FCHO2: variants seen among roughly 807,000 people sequenced by gnomAD.
FCHO2 encodes the protein FCH and mu domain containing endocytic adaptor 2, also known as F-BAR domain only protein 2.
A neutral mutation model predicts 114.1 loss-of-function variants in FCHO2; 43 were observed. The observed-to-expected ratio is 0.38, with a 90% confidence interval of 0.30 to 0.49. The LOEUF is 0.49. Ranked by LOEUF, FCHO2 falls within the 20% of genes least tolerant of loss-of-function variation. The pLI, the probability that FCHO2 is intolerant of heterozygous loss-of-function variation, is 0.97. For synonymous variants in FCHO2, 293 were observed against 315.2 expected (o/e 0.93, Z 0.75); for missense variants, 807 against 950.4 (o/e 0.85, Z 1.98).
intron 19 of FCHO2, among the ~76,000 whole-genome samples, chr5:73,073,873 A>T (rs1317103053): frequency 6.6e-6 from 1 of 152,114 alleles, no homozygotes; most frequent in Non-Finnish European, 1.5e-5. Context: ...ACTAAGGATG[A>T]ATAATTATAA....
At chr5:73,044,557 G>A (rs1457510961) in intron 11 of FCHO2, among the ~76,000 whole-genome samples, 1 of 151,996 alleles carries the variant, frequency 6.6e-6, no homozygotes, top group African/African-American at 2.4e-5. Flanking sequence ...ATCATGGTAG[G>A]GAAATTATTG....
chr5:73,009,066 A>G (rs1379342291), intron 6 of FCHO2, among the ~76,000 whole-genome samples: 1 of 152,226 alleles, frequency 6.6e-6, no homozygotes, highest in Non-Finnish European at 1.5e-5. Context: ...TGAGATTTTA[A>G]TAGAGGAAGC....
At chr5:73,073,305 A>T (rs1742749107) in intron 19 of FCHO2, among the ~76,000 whole-genome samples, 1 of 152,090 alleles carries the variant, frequency 6.6e-6, no homozygotes, top group African/African-American at 2.4e-5. Flanking sequence ...TCTCTCAAAC[A>T]TTATCAGTGG....
At chr5:73,039,503 A>G (rs1315469050) in intron 10 of FCHO2, among the ~76,000 whole-genome samples, 3 of 152,224 alleles carry the variant, frequency 2.0e-5, no homozygotes, top group Admixed American at 6.5e-5. Context: ...TTGGGTTATT[A>G]TTATTATGCC....
chr5:72,990,462 T>G lies in FCHO2; in HGVS notation c.201-16T>G. 6.7e-7 allele frequency: 1 copy of G among 1,487,546 alleles called. No homozygotes were observed. Among genetic ancestry groups the G allele is most frequent in the South Asian group, 1.4e-5 (1 of 74,000 alleles). The allele number at this position is 1,487,546 out of a possible 1,614,324, so 92.1% of individuals were successfully genotyped here. ...TTACTTTTAATAAGTTATTCCCATA[T>G]TTTTTATTTTCTTAGAACATTTGCA... On this transcript the variant is annotated splice_polypyrimidine_tract_variant and intron_variant, in intron 3 of 25. Coordinates refer to ENST00000430046, the MANE Select transcript of FCHO2 (RefSeq NM_138782.3).
chr5:73,035,975 C>T (rs528149572), intron 9 of FCHO2, among the ~76,000 whole-genome samples: 40 of 151,828 alleles, frequency 2.6e-4, no homozygotes, highest in African/African-American at 8.0e-4. Flanking sequence ...CCCAAGTAGC[C>T]GGGATTACAG....
At chr5:73,000,161 T>G (rs1397461991) in intron 5 of FCHO2, among the ~76,000 whole-genome samples, 1 of 151,900 alleles carries the variant, frequency 6.6e-6, no homozygotes, top group Non-Finnish European at 1.5e-5. Flanking sequence ...TGTGCCACCA[T>G]GCACAGCCAA....
chr5:72,963,902 G>GTTTT (rs70973214), intron 1 of FCHO2, among the ~76,000 whole-genome samples: 5 of 95,696 alleles, frequency 5.2e-5, no homozygotes, highest in Non-Finnish European at 5.8e-5. Flanking sequence ...GGAACTTTCA[G>GTTTT]TTTTTTTTTT....
At chr5:73,053,417 C>T (rs969946217) in intron 13 of FCHO2, among the ~76,000 whole-genome samples, 2 of 152,036 alleles carry the variant, frequency 1.3e-5, no homozygotes, top group South Asian at 2.1e-4. Flanking sequence ...AATATAGGGC[C>T]GGGCATGGTG....
chr5:72,982,476 T>C (rs1753263188), intron 2 of FCHO2, among the ~76,000 whole-genome samples: 1 of 152,240 alleles, frequency 6.6e-6, no homozygotes, highest in Admixed American at 6.5e-5. Flanking sequence ...GTTTTCTCAT[T>C]CTTTTGAATT....
chr5:72,991,795 A>C (rs566731238), intron 5 of FCHO2, among the ~76,000 whole-genome samples: 1 of 152,244 alleles, frequency 6.6e-6, no homozygotes, highest in African/African-American at 2.4e-5. Flanking sequence ...TATGATTATG[A>C]CTATAAAACA....
At chr5:72,996,392 T>C (rs1283334656) in intron 5 of FCHO2, among the ~76,000 whole-genome samples, 1 of 152,072 alleles carries the variant, frequency 6.6e-6, no homozygotes, top group Non-Finnish European at 1.5e-5. Context: ...AAGAATGACA[T>C]GTATTAACGT....
chr5:73,030,639 T>C (rs773178380), intron 8 of FCHO2, among the ~76,000 whole-genome samples: 8 of 152,196 alleles, frequency 5.3e-5, no homozygotes, highest in Non-Finnish European at 7.3e-5. Flanking sequence ...AAAATGTGAT[T>C]CCAGGACCAG....
intron 1 of FCHO2, among the ~76,000 whole-genome samples, chr5:72,961,384 A>T (rs1435213727): frequency 2.6e-5 from 4 of 152,276 alleles, no homozygotes; most frequent in Admixed American, 2.6e-4. Context: ...TGAAATTTCC[A>T]AATATTGTAG....
intron 17 of FCHO2, among the ~76,000 whole-genome samples, chr5:73,059,364 A>G (rs1757745283): frequency 6.6e-6 from 1 of 152,054 alleles, no homozygotes; most frequent in Non-Finnish European, 1.5e-5. Context: ...AGTTGTTTTT[A>G]TTGTCCCTGT....
At chr5:73,035,999 C>T (rs990572316) in intron 9 of FCHO2, among the ~76,000 whole-genome samples, 10 of 151,716 alleles carry the variant, frequency 6.6e-5, no homozygotes, top group South Asian at 4.2e-4. Context: ...TGCGCCACTA[C>T]GCCCGGCTAA....
At chr5:73,012,889 G>T (rs1420569068) in intron 6 of FCHO2, among the ~76,000 whole-genome samples, 2 of 152,020 alleles carry the variant, frequency 1.3e-5, no homozygotes, top group African/African-American at 4.8e-5. Context: ...TTTCTCTGTG[G>T]ATTCATATTT....
intron 8 of FCHO2, among the ~76,000 whole-genome samples, chr5:73,029,605 A>C (rs114611472): frequency 0.01 from 1,531 of 152,314 alleles, 22 homozygotes; most frequent in African/African-American, 0.035. Context: ...AAAGATATTT[A>C]ACTTGGCGCA....
rs577906919 is a variant in FCHO2, at chr5:73,033,965, T to G, written c.797-692T>G. The stretch of plus-strand genomic sequence containing the variant: ...ATCTCTCATAGCAATGCTAAATTAA[T>G]TGTCCTTGAAGATCTCTTTGTGGGT... On this transcript the variant is annotated intron_variant, in intron 8 of 25. Coordinates refer to ENST00000430046, the MANE Select transcript of FCHO2 (RefSeq NM_138782.3). Among the ~76,000 whole-genome samples, 46 of 152,322 alleles carry G rather than the reference T, an allele frequency of 3.0e-4. No individual in the cohort carries two copies. The South Asian group carries it at 9.3e-3, about 31-fold the overall frequency.
Sources: allele counts gnomAD v4.1 joint callset (sites outside exome capture counted in the v4.1 genomes callset), GRCh38; gene constraint gnomAD v4.1.1; transcripts MANE v1.5; gene names NCBI Gene and HGNC (gene_info 2026-07-23, HGNC 2026-07-21).